Variants in SPHKAP observed in about 807,000 individuals in gnomAD.
SPHKAP encodes the protein SPHK1 interactor, AKAP domain containing.
In SPHKAP, 67 loss-of-function variants were observed where a neutral mutation model predicts 137.5. That is an observed-to-expected ratio of 0.49 (90% CI 0.40 to 0.60). The LOEUF is 0.60. SPHKAP is among the 20% of genes least tolerant of loss of function. SPHKAP has a pLI of 0.00. For missense variants in SPHKAP, 2,097 were observed against 2,069.3 expected (o/e 1.01, Z -0.26); for synonymous variants, 813 against 785.3 (o/e 1.04, Z -0.59).
chr2:228,109,437 G>A (rs1698447539), intron 2 of SPHKAP: 1 of 913,364 alleles, frequency 1.1e-6, no homozygotes, highest in Admixed American at 6.2e-5. Context: ...ACTATGTTAA[G>A]TTTAAAAGTT....
At chr2:228,061,261 ATTTAT>A (rs1696623614) in intron 3 of SPHKAP, among the ~76,000 whole-genome samples, 1 of 149,568 alleles carries the variant, frequency 6.7e-6, no homozygotes, top group African/African-American at 2.5e-5. Flanking sequence ...ATTTTATTTT[ATTTAT>A]TTTTTATTTT....
intron 5 of SPHKAP, 32 bp downstream of exon 5, chr2:228,025,362 A>T (rs1262887066): frequency 6.2e-7 from 1 of 1,611,914 alleles, no homozygotes; most frequent in Non-Finnish European, 8.5e-7. Flanking sequence ...TATAGATGTA[A>T]GTAAATGGCT....
At chr2:228,083,516 C>T (rs1331818412) in intron 3 of SPHKAP, among the ~76,000 whole-genome samples, 1 of 152,130 alleles carries the variant, frequency 6.6e-6, no homozygotes, top group African/African-American at 2.4e-5. Context: ...ATCCTTTGCC[C>T]ACTTTTTGAT....
intron 1 of SPHKAP, among the ~76,000 whole-genome samples, chr2:228,168,589 G>T (rs1194527098): frequency 6.6e-6 from 1 of 152,134 alleles, no homozygotes; most frequent in African/African-American, 2.4e-5. Context: ...ACAAATGGTT[G>T]TCTGATTGTT....
At chr2:228,108,159 ATC>A (rs1293464877) in intron 3 of SPHKAP, among the ~76,000 whole-genome samples, 3 of 152,104 alleles carry the variant, frequency 2.0e-5, no homozygotes, top group Non-Finnish European at 4.4e-5. Context: ...CTCTCCCCCA[ATC>A]TCTGTAATCA....
chr2:227,984,140 A>G (rs927273921), intron 11 of SPHKAP, among the ~76,000 whole-genome samples: 3 of 152,044 alleles, frequency 2.0e-5, no homozygotes, highest in Non-Finnish European at 4.4e-5. Flanking sequence ...TCTCTACTAA[A>G]AATACAAAAA....
At chr2:228,096,102 G>T (rs1274396676) in intron 3 of SPHKAP, among the ~76,000 whole-genome samples, 1 of 152,184 alleles carries the variant, frequency 6.6e-6, no homozygotes, top group Non-Finnish European at 1.5e-5. Flanking sequence ...GGGGCAGCAA[G>T]TGGGTACCAG....
intron 3 of SPHKAP, among the ~76,000 whole-genome samples, chr2:228,096,630 CTGTGTGTGTGTGTGTGTGTGTGTGTG>C (rs59745287): frequency 6.7e-6 from 1 of 148,788 alleles, no homozygotes; most frequent in Non-Finnish European, 1.5e-5. Flanking sequence ...CAGGGGTCAA[CTGTGTGTGTGTGTGTGTGTGTGTGTG>C]TGTGTGTGTG....
At chr2:228,100,270 C>A (rs909221301) in intron 3 of SPHKAP, among the ~76,000 whole-genome samples, 1 of 152,170 alleles carries the variant, frequency 6.6e-6, no homozygotes, top group East Asian at 1.9e-4. Flanking sequence ...AGAATCATAT[C>A]ATCAGTGAAG....
intron 1 of SPHKAP, among the ~76,000 whole-genome samples, chr2:228,143,883 G>A (rs1281438496): frequency 3.3e-5 from 5 of 152,106 alleles, no homozygotes; most frequent in South Asian, 2.1e-4. Flanking sequence ...TCCTTGCCAC[G>A]GACTACCAAG....
rs774073733 is a variant in SPHKAP at position 228,018,864 on chromosome 2, T to C, written c.1990A>G (p.Arg664Gly). The C allele has an allele frequency of 2.0e-5, 33 of 1,614,112 alleles. No individual in the cohort carries two copies. Among genetic ancestry groups the C allele is most frequent in the Non-Finnish European group, 2.7e-5 (32 of 1,180,046 alleles). ...GACAGGGTATGTGCCAGTTCATTCC[T>C]GACGACATTTTCTGAGCACAGGGTC... ...SQTLCSENVV[R>G]NELAHTLSNV... is the part of the protein sequence containing the mutation. Residue 664 changes from arginine to glycine, a missense_variant, in exon 7 of 12, where the codon AGG becomes GGG. By Grantham distance (125) the Arg-to-Gly change is moderately radical (BLOSUM62 -2). Coordinates refer to ENST00000392056, the MANE Select transcript of SPHKAP (RefSeq NM_001142644.2).
intron 4 of SPHKAP, 73 bp from the exon 5 acceptor site, chr2:228,025,601 T>C (rs757026928): frequency 2.2e-5 from 34 of 1,553,714 alleles, no homozygotes; most frequent in Non-Finnish European, 2.9e-5. Flanking sequence ...TACTTTACCT[T>C]CAGAAATAAT....
intron 3 of SPHKAP, among the ~76,000 whole-genome samples, chr2:228,062,155 CCTTTTTTTTTAATTTTT>C (rs1272636196): frequency 6.6e-6 from 1 of 151,620 alleles, no homozygotes; most frequent in East Asian, 1.9e-4. Context: ...ACTCCCCTGA[CCTTTTTTTTTAATTTTT>C]CTTTTTTTTT....
At chr2:228,055,056 C>T (rs577032947) in intron 3 of SPHKAP, among the ~76,000 whole-genome samples, 14 of 144,984 alleles carry the variant, frequency 9.7e-5, no homozygotes, top group Non-Finnish European at 1.6e-4. Flanking sequence ...GCAGGAGAAT[C>T]ACTTGAACCT....
At chr2:228,160,573 G>C (rs1296931584) in intron 1 of SPHKAP, among the ~76,000 whole-genome samples, 1 of 152,066 alleles carries the variant, frequency 6.6e-6, no homozygotes, top group Admixed American at 6.6e-5. Context: ...CAGCAGCATG[G>C]GGGGTAATCG....
chr2:227,988,029 G>A (rs1016425877), intron 11 of SPHKAP, among the ~76,000 whole-genome samples: 7 of 152,144 alleles, frequency 4.6e-5, no homozygotes, highest in African/African-American at 1.2e-4. Context: ...TGCTGTTCTC[G>A]TATGACACAG....
chr2:228,155,105 C>A (rs998098201), intron 1 of SPHKAP, among the ~76,000 whole-genome samples: 4 of 152,170 alleles, frequency 2.6e-5, no homozygotes, highest in South Asian at 2.1e-4. Flanking sequence ...CCTAGCTGTA[C>A]CTTTGCCCAA....
intron 1 of SPHKAP, among the ~76,000 whole-genome samples, chr2:228,170,816 C>A (rs943163533): frequency 6.6e-6 from 1 of 152,056 alleles, no homozygotes; most frequent in Non-Finnish European, 1.5e-5. Context: ...TACCATATCG[C>A]TGGGGTATAT....
intron 1 of SPHKAP, among the ~76,000 whole-genome samples, chr2:228,177,555 A>G (rs1221686955): frequency 6.6e-6 from 1 of 152,230 alleles, no homozygotes; most frequent in Non-Finnish European, 1.5e-5. Flanking sequence ...AAATTTAAAT[A>G]TACTCTTAAA....
Sources: allele counts gnomAD v4.1 joint callset (sites outside exome capture counted in the v4.1 genomes callset), GRCh38; gene constraint gnomAD v4.1.1; transcripts MANE v1.5; gene names NCBI Gene and HGNC (gene_info 2026-07-23, HGNC 2026-07-21).